AATF: variants seen among roughly 807,000 people sequenced by gnomAD.
The protein encoded by AATF is protein AATF.
In AATF, 48 loss-of-function variants were observed where a neutral mutation model predicts 63.7. That is an observed-to-expected ratio of 0.75 (90% CI 0.60 to 0.96). The LOEUF (loss-of-function observed/expected upper bound fraction) is 0.96. Among genes scored for constraint, AATF ranks in the 40% least tolerant of loss-of-function variants. AATF has a pLI of 0.00. For missense variants in AATF, 639 were observed against 685.7 expected (o/e 0.93, Z 0.76); for synonymous variants, 258 against 247.7 (o/e 1.04, Z -0.39).
At chr17:37,010,851 G>C (rs1316927931) in intron 8 of AATF, among the ~76,000 whole-genome samples, 6 of 152,228 alleles carry the variant, frequency 3.9e-5, no homozygotes. Context: ...ATGAAGCCTG[G>C]TGGGCCTGCA....
At chr17:37,050,257 G>A (rs774644611) in intron 11 of AATF, among the ~76,000 whole-genome samples, 10 of 152,180 alleles carry the variant, frequency 6.6e-5, no homozygotes, top group Non-Finnish European at 1.2e-4. Context: ...GGAGTGGTTT[G>A]TCTGAGACAC....
chr17:36,985,346 G>A (rs1307619579), intron 4 of AATF, among the ~76,000 whole-genome samples: 1 of 151,830 alleles, frequency 6.6e-6, no homozygotes, highest in East Asian at 1.9e-4. Flanking sequence ...ACTGCTCACC[G>A]CAGCCTCAGC....
intron 4 of AATF, among the ~76,000 whole-genome samples, chr17:36,962,328 T>C (rs1351555655): frequency 6.6e-6 from 1 of 152,242 alleles, no homozygotes; most frequent in Non-Finnish European, 1.5e-5. Flanking sequence ...AGAGTAAAGC[T>C]GGATCACAGA....
intron 8 of AATF, among the ~76,000 whole-genome samples, chr17:36,995,140 T>C (rs1034852878): frequency 6.6e-6 from 1 of 152,252 alleles, no homozygotes; most frequent in Admixed American, 6.5e-5. Context: ...TGTTTAGTTT[T>C]GATCTGGTTT....
intron 10 of AATF, among the ~76,000 whole-genome samples, chr17:37,025,496 G>T (rs535277344): frequency 5.9e-4 from 90 of 152,130 alleles, no homozygotes; most frequent in Non-Finnish European, 1.2e-3. Flanking sequence ...GGCCATTGAC[G>T]GGGGAGGGCA....
intron 4 of AATF, among the ~76,000 whole-genome samples, chr17:36,982,530 T>C (rs2071134852): frequency 6.6e-6 from 1 of 152,116 alleles, no homozygotes. Context: ...ATTTTTTGTA[T>C]TTTTAGTAGA....
At chr17:37,050,117 GC>G (rs377225041) in intron 11 of AATF, among the ~76,000 whole-genome samples, 72 of 152,136 alleles carry the variant, frequency 4.7e-4, no homozygotes, top group Non-Finnish European at 7.7e-4. Context: ...TAGTTGAAGT[GC>G]TGCCACAGGG....
intron 2 of AATF, among the ~76,000 whole-genome samples, chr17:36,951,502 T>TATGGTGA: frequency 6.6e-6 from 1 of 152,210 alleles, no homozygotes; most frequent in African/African-American, 2.4e-5. Flanking sequence ...ATCACCATTA[T>TATGGTGA]CACTACATGT....
At chr17:36,970,951 C>G (rs1012249926) in intron 4 of AATF, among the ~76,000 whole-genome samples, 30 of 151,956 alleles carry the variant, frequency 2.0e-4, no homozygotes, top group Non-Finnish European at 2.8e-4. Context: ...TTTATATTAA[C>G]TTAAATATAA....
intron 11 of AATF, among the ~76,000 whole-genome samples, chr17:37,046,226 G>A (rs1422649698): frequency 1.3e-5 from 2 of 152,168 alleles, no homozygotes; most frequent in African/African-American, 2.4e-5. Flanking sequence ...TTGCAAGGCA[G>A]GAGATGAGTT....
intron 7 of AATF, 59 bp from the exon 8 acceptor site, chr17:36,990,715 C>T (rs1266355215): frequency 1.0e-6 from 1 of 990,876 alleles, no homozygotes; most frequent in Non-Finnish European, 1.5e-6. Flanking sequence ...TTTATAGTAG[C>T]TACATTAGTT....
chr17:37,003,185 G>A (rs1263271264), intron 8 of AATF, among the ~76,000 whole-genome samples: 1 of 152,068 alleles, frequency 6.6e-6, no homozygotes, highest in Non-Finnish European at 1.5e-5. Context: ...GTACCAAGAC[G>A]ATTCAGTGGG....
At chr17:37,018,964 G>C in intron 8 of AATF, 41 bp from the exon 9 acceptor site, 1 of 1,548,956 alleles carries the variant, frequency 6.5e-7, no homozygotes, top group Non-Finnish European at 8.9e-7. Flanking sequence ...AGTTGTACTG[G>C]AAGATGATAA....
chr17:37,018,886 C>T (rs1287947394), intron 8 of AATF, 119 bp from the exon 9 acceptor site: 4 of 781,446 alleles, frequency 5.1e-6, no homozygotes, highest in Non-Finnish European at 9.0e-6. Context: ...CTGGGTTGTC[C>T]CTTATTGATT....
intron 8 of AATF, among the ~76,000 whole-genome samples, chr17:37,011,617 G>A (rs1160175266): frequency 7.2e-5 from 11 of 152,164 alleles, no homozygotes; most frequent in Admixed American, 1.3e-4. Flanking sequence ...GAACTGAGTC[G>A]TGAGGAGTGG....
At chr17:36,954,119 G>T (rs1013449059) in intron 4 of AATF, among the ~76,000 whole-genome samples, 4 of 137,294 alleles carry the variant, frequency 2.9e-5, no homozygotes, top group Non-Finnish European at 6.1e-5. Flanking sequence ...TGAGTCTCAA[G>T]TACAGTGGCG....
chr17:37,020,058 C>T (rs1000698459), intron 9 of AATF, among the ~76,000 whole-genome samples: 1 of 151,958 alleles, frequency 6.6e-6, no homozygotes, highest in Non-Finnish European at 1.5e-5. Context: ...TGACTAGCTG[C>T]TGCTGCTGTT....
chr17:36,981,697 C>CTT (rs1750407025), intron 4 of AATF, among the ~76,000 whole-genome samples: 10 of 118,716 alleles, frequency 8.4e-5, no homozygotes, highest in African/African-American at 3.6e-4. Flanking sequence ...CTTCTTCTTT[C>CTT]TTTTCTTTTT....
At chr17:36,997,774 T>C (rs1264693714) in intron 8 of AATF, among the ~76,000 whole-genome samples, 1 of 152,194 alleles carries the variant, frequency 6.6e-6, no homozygotes, top group Admixed American at 6.5e-5. Context: ...TACTTGCAGA[T>C]ACATGTTTAT....
Sources: gnomAD v4.1 joint callset for allele counts (sites outside exome capture counted in the v4.1 genomes callset) on GRCh38, gnomAD v4.1.1 for gene constraint, MANE v1.5 for transcripts, NCBI Gene and HGNC (gene_info 2026-07-23, HGNC 2026-07-21) for gene names.